The following PRKD1 variants were observed in gnomAD, a reference collection of about 807,000 sequenced individuals.
PRKD1 encodes protein kinase D1.
PRKD1 carries 63 observed loss-of-function variants against 95.9 expected under a neutral mutation model. That is an observed-to-expected ratio of 0.66 (90% CI 0.54 to 0.81). The LOEUF is 0.81. Ranked by LOEUF, PRKD1 falls within the 30% of genes least tolerant of loss-of-function variation. The pLI is 0.00. For synonymous variants in PRKD1, 425 were observed against 423.1 expected, an observed-to-expected ratio of 1.00 and a Z score of -0.05; for missense variants, 1,048 against 1,165.3, an observed-to-expected ratio of 0.90 and a Z score of 1.47.
At chr14:29,634,656 C>A in intron 7 of PRKD1, 115 bp from the exon 8 acceptor site, 1 of 1,361,436 alleles carries the variant, frequency 7.3e-7, no homozygotes. Context: ...ATTCACATCT[C>A]ATGTTTAGTA....
intron 2 of PRKD1, among the ~76,000 whole-genome samples, chr14:29,685,639 C>T (rs1883814648): frequency 6.6e-6 from 1 of 151,932 alleles, no homozygotes; most frequent in South Asian, 2.1e-4. Context: ...TTTTTGGAGG[C>T]AAATAGTATT....
chr14:29,868,285 C>G (rs1270213712), intron 1 of PRKD1, among the ~76,000 whole-genome samples: 1 of 152,156 alleles, frequency 6.6e-6, no homozygotes, highest in East Asian at 1.9e-4. Context: ...ATAGGAACTG[C>G]TTGAGCAAAA....
intron 1 of PRKD1, among the ~76,000 whole-genome samples, chr14:29,873,310 C>T (rs1893176561): frequency 6.6e-6 from 1 of 152,132 alleles, no homozygotes; most frequent in Non-Finnish European, 1.5e-5. Context: ...TGGTCTTGAA[C>T]TCCTGACCTC....
intron 13 of PRKD1, among the ~76,000 whole-genome samples, chr14:29,604,764 A>G (rs1410956836): frequency 6.6e-6 from 1 of 152,218 alleles, no homozygotes; most frequent in Admixed American, 6.5e-5. Context: ...ATAAAAAGTC[A>G]TCTTGCAGAG....
At chr14:29,648,067 C>A (rs1049116693) in intron 4 of PRKD1, among the ~76,000 whole-genome samples, 3 of 152,128 alleles carry the variant, frequency 2.0e-5, no homozygotes, top group African/African-American at 7.2e-5. Context: ...ACTTAGAGAC[C>A]TTACAAAATA....
intron 2 of PRKD1, among the ~76,000 whole-genome samples, chr14:29,673,844 G>A (rs990164125): frequency 9.9e-5 from 15 of 152,152 alleles, no homozygotes; most frequent in South Asian, 2.1e-4. Flanking sequence ...TATTCTAAGC[G>A]CAATATAGTG....
chr14:29,879,588 G>C (rs1351721373), intron 1 of PRKD1, among the ~76,000 whole-genome samples: 5 of 152,188 alleles, frequency 3.3e-5, no homozygotes, highest in South Asian at 4.1e-4. Context: ...GGAGTGGGGT[G>C]TTGCTGAAAA....
intron 1 of PRKD1, among the ~76,000 whole-genome samples, chr14:29,744,006 C>T (rs919710997): frequency 6.6e-6 from 1 of 152,164 alleles, no homozygotes; most frequent in Non-Finnish European, 1.5e-5. Flanking sequence ...TCAGGACTCA[C>T]TCTTCAGAAA....
At chr14:29,820,802 T>C (rs1045271512) in intron 1 of PRKD1, among the ~76,000 whole-genome samples, 5 of 152,094 alleles carry the variant, frequency 3.3e-5, no homozygotes, top group Non-Finnish European at 5.9e-5. Flanking sequence ...AGAAAAGGAA[T>C]AGCAGTTAAC....
At chr14:29,902,786 TG>T (rs1894361652) in intron 1 of PRKD1, among the ~76,000 whole-genome samples, 1 of 152,106 alleles carries the variant, frequency 6.6e-6, no homozygotes, top group African/African-American at 2.4e-5. Context: ...AAAGTGTTAC[TG>T]AGTTTTTCTA....
intron 2 of PRKD1, among the ~76,000 whole-genome samples, chr14:29,701,191 C>T (rs139017915): frequency 5.3e-5 from 8 of 152,230 alleles, no homozygotes; most frequent in South Asian, 2.1e-4. Context: ...AAAACTGAGG[C>T]TCTTGAAGTA....
intron 2 of PRKD1, among the ~76,000 whole-genome samples, chr14:29,721,231 C>T (rs2139382786): frequency 6.6e-6 from 1 of 152,284 alleles, no homozygotes; most frequent in South Asian, 2.1e-4. Flanking sequence ...AAACTAACTA[C>T]ATGTGGAAAT....
At chr14:29,802,014 T>A (rs1890054305) in intron 1 of PRKD1, among the ~76,000 whole-genome samples, 1 of 152,052 alleles carries the variant, frequency 6.6e-6, no homozygotes, top group Non-Finnish European at 1.5e-5. Context: ...ATACCTGTAA[T>A]CTCAGACATT....
At chr14:29,647,878 G>A (rs1881231371) in intron 4 of PRKD1, among the ~76,000 whole-genome samples, 1 of 152,224 alleles carries the variant, frequency 6.6e-6, no homozygotes, top group African/African-American at 2.4e-5. Context: ...TGCCTTTTAA[G>A]CAGTTTATGG....
intron 1 of PRKD1, among the ~76,000 whole-genome samples, chr14:29,759,165 A>C (rs1887851483): frequency 6.6e-6 from 1 of 152,078 alleles, no homozygotes. Context: ...CATTATATTG[A>C]GATTAGGTGC....
chr14:29,722,470 T>G (rs1459326087), intron 2 of PRKD1, among the ~76,000 whole-genome samples: 1 of 152,222 alleles, frequency 6.6e-6, no homozygotes, highest in Non-Finnish European at 1.5e-5. Context: ...CAAGAAGACT[T>G]GAAGTTCAGT....
At chr14:29,645,068 A>T (rs1881040086) in intron 4 of PRKD1, among the ~76,000 whole-genome samples, 1 of 152,136 alleles carries the variant, frequency 6.6e-6, no homozygotes, top group Admixed American at 6.6e-5. Context: ...GCTCCAGATA[A>T]CAATGATTCC....
chr14:29,839,487 C>T (rs1245557463), intron 1 of PRKD1, among the ~76,000 whole-genome samples: 1 of 152,166 alleles, frequency 6.6e-6, no homozygotes, highest in African/African-American at 2.4e-5. Flanking sequence ...CTCCGGGGTG[C>T]ACGGTGCAAG....
chr14:29,838,122 A>C (rs1161615337), intron 1 of PRKD1, among the ~76,000 whole-genome samples: 1 of 152,164 alleles, frequency 6.6e-6, no homozygotes, highest in Non-Finnish European at 1.5e-5. Context: ...AGCGAAATGG[A>C]TTCTGAAGTT....
Sources: allele counts gnomAD v4.1 joint callset (sites outside exome capture counted in the v4.1 genomes callset), GRCh38; gene constraint gnomAD v4.1.1; transcripts MANE v1.5; gene names NCBI Gene and HGNC (gene_info 2026-07-23, HGNC 2026-07-21).